Variants in EPHA6 observed in about 807,000 individuals in gnomAD.
EPHA6 encodes EPH receptor A6.
EPHA6 carries 50 observed loss-of-function variants against 112.0 expected under a neutral mutation model. The observed-to-expected ratio is 0.45, with a 90% CI of 0.36 to 0.56. EPHA6 has a LOEUF of 0.56. Among genes scored for constraint, EPHA6 ranks in the 20% least tolerant of loss-of-function variants. The pLI, the probability that EPHA6 is intolerant of heterozygous loss-of-function variation, is 0.00. For missense variants in EPHA6, 1,280 were observed against 1,417.4 expected (o/e 0.90, Z 1.56); for synonymous variants, 529 against 490.7 (o/e 1.08, Z -1.03).
intron 10 of EPHA6, among the ~76,000 whole-genome samples, chr3:97,527,417 A>AT (rs200369637): frequency 2.2e-4 from 33 of 148,966 alleles, no homozygotes; most frequent in East Asian, 9.8e-4. Flanking sequence ...GTGCAGAATT[A>AT]TTTTTTTTTT....
rs1576420905 is a variant in EPHA6 at position 97,064,637 on chromosome 3, T to C, written c.1114+76644T>C. 2.0e-5 allele frequency among the ~76,000 whole-genome samples: 3 copies of C among 152,192 alleles called. No individual in the cohort carries two copies. In the East Asian group the frequency reaches 5.8e-4, roughly 29 times the overall value. On this transcript the variant is annotated intron_variant, in intron 3 of 17. Coordinates refer to ENST00000389672, the MANE Select transcript of EPHA6 (RefSeq NM_001080448.3). The stretch of plus-strand genomic sequence containing the variant: ...TCATTTAGGTTTTGCTGAGATGATC[T>C]TGATAACCCAGAAAAACCTGTCTTT...
At chr3:97,338,755 C>T (rs145808340) in intron 5 of EPHA6, among the ~76,000 whole-genome samples, 42 of 152,212 alleles carry the variant, frequency 2.8e-4, no homozygotes, top group African/African-American at 1.0e-3. Context: ...TACTCAGCCC[C>T]CGAAGTCTAC....
At chr3:97,444,162 A>G (rs990983629) in intron 6 of EPHA6, among the ~76,000 whole-genome samples, 7 of 152,192 alleles carry the variant, frequency 4.6e-5, no homozygotes, top group Admixed American at 4.6e-4. Flanking sequence ...GATTGTTGTT[A>G]TATCTTTACA....
chr3:97,181,525 CT>C (rs1290013903), intron 3 of EPHA6, among the ~76,000 whole-genome samples: 1 of 151,682 alleles, frequency 6.6e-6, no homozygotes, highest in Non-Finnish European at 1.5e-5. Context: ...CACAATAATT[CT>C]TGTTTTGCTT....
In EPHA6 at chr3:96,935,381, G is replaced by T. The variant is rs372414114; in HGVS notation, c.451-51949G>T. 1.1e-4 allele frequency among the ~76,000 whole-genome samples: 16 copies of T among 151,248 alleles called. No homozygotes were observed. The East Asian group carries it at 1.2e-3, about 11-fold the overall frequency. ...ATTCAAGGTTAAAAATATAACTTGTGATATTTAATTTTGGTTAAACATTTA... is the reference window on the plus strand; with the variant it reads ...ATTCAAGGTTAAAAATATAACTTGTTATATTTAATTTTGGTTAAACATTTA... On this transcript the variant is annotated intron_variant, in intron 2 of 17. Coordinates refer to ENST00000389672, the MANE Select transcript of EPHA6 (RefSeq NM_001080448.3).
At chr3:97,243,765 C>A (rs934935105) in intron 4 of EPHA6, among the ~76,000 whole-genome samples, 187 bp from the exon 5 acceptor site, 2 of 151,790 alleles carry the variant, frequency 1.3e-5, no homozygotes, top group African/African-American at 4.8e-5. Flanking sequence ...GATCTTCATT[C>A]CTCAAGACTC....
At chr3:96,947,300 T>C (rs2041317338) in intron 2 of EPHA6, among the ~76,000 whole-genome samples, 1 of 152,214 alleles carries the variant, frequency 6.6e-6, no homozygotes, top group Non-Finnish European at 1.5e-5. Flanking sequence ...CTTCTAGGGT[T>C]TTTATGGTTT....
intron 3 of EPHA6, among the ~76,000 whole-genome samples, chr3:97,054,338 T>G (rs768390841): frequency 6.6e-6 from 1 of 152,116 alleles, no homozygotes; most frequent in Non-Finnish European, 1.5e-5. Flanking sequence ...AACACCAGAC[T>G]GCAATTCACA....
intron 11 of EPHA6, among the ~76,000 whole-genome samples, chr3:97,576,286 AT>A (rs68086930): frequency 6.6e-6 from 1 of 151,554 alleles, no homozygotes; most frequent in Non-Finnish European, 1.5e-5. Flanking sequence ...TTGTTTATTC[AT>A]TTTTTTTCCT....
intron 5 of EPHA6, among the ~76,000 whole-genome samples, chr3:97,399,866 A>T (rs559905893): frequency 6.6e-6 from 1 of 151,520 alleles, no homozygotes; most frequent in Admixed American, 6.6e-5. Context: ...TAGTTTGCAA[A>T]TATCTTCTCT....
chr3:97,360,126 A>G (rs528525243), intron 5 of EPHA6, among the ~76,000 whole-genome samples: 147 of 152,250 alleles, frequency 9.7e-4, no homozygotes, highest in Non-Finnish European at 1.8e-3. Context: ...TTTTTTGGCT[A>G]CCCTGGCTCC....
chr3:97,153,354 C>T (rs575142736), intron 3 of EPHA6, among the ~76,000 whole-genome samples: 108 of 152,146 alleles, frequency 7.1e-4, no homozygotes, highest in African/African-American at 2.6e-3. Context: ...AAAAAAAATC[C>T]ATTCCTTCCA....
intron 3 of EPHA6, among the ~76,000 whole-genome samples, chr3:97,192,066 A>C (rs1433464393): frequency 2.0e-5 from 3 of 152,034 alleles, no homozygotes; most frequent in African/African-American, 7.2e-5. Flanking sequence ...TTTGATTTGC[A>C]TTTCTGTGAT....
In EPHA6 at chr3:97,230,465, T is replaced by A. The variant is rs181934659; in HGVS notation, c.1270+4046T>A. On this transcript the variant is annotated intron_variant, in intron 4 of 17. Coordinates refer to ENST00000389672, the MANE Select transcript of EPHA6 (RefSeq NM_001080448.3). The stretch of plus-strand genomic sequence containing the variant: ...AATGCTTAATATTATAAATTATATT[T>A]CAGAAATGCTAGCCTAGCTTGTTTA... Among the ~76,000 whole-genome samples the A allele has an allele frequency of 3.2e-3, 481 of 152,264 alleles. 3 individuals carry two copies. Among genetic ancestry groups the A allele is most frequent in the African/African-American group, 0.011 (438 of 41,566 alleles).
chr3:97,077,540 GC>G (rs1335448028), intron 3 of EPHA6, among the ~76,000 whole-genome samples: 1 of 101,412 alleles, frequency 9.9e-6, no homozygotes, highest in African/African-American at 3.7e-5. Context: ...CCCTGCCCCC[GC>G]CCCATCCCCC....
chr3:97,182,480 G>A (rs1280402065), intron 3 of EPHA6, among the ~76,000 whole-genome samples: 1 of 151,744 alleles, frequency 6.6e-6, no homozygotes, highest in Non-Finnish European at 1.5e-5. Flanking sequence ...TTACAGATTG[G>A]TTCCTTGCAA....
intron 11 of EPHA6, among the ~76,000 whole-genome samples, chr3:97,585,527 T>G (rs2093479623): frequency 6.6e-6 from 1 of 152,210 alleles, no homozygotes; most frequent in Non-Finnish European, 1.5e-5. Context: ...ACTGCACTTT[T>G]TGCTTCAATA....
chr3:97,119,517 T>C (rs2047984797), intron 3 of EPHA6, among the ~76,000 whole-genome samples: 1 of 151,588 alleles, frequency 6.6e-6, no homozygotes, highest in Non-Finnish European at 1.5e-5. Context: ...GTCTCAAAAA[T>C]CAAAGCCGCA....
At chr3:97,645,803 G>T (rs2094056028) in intron 14 of EPHA6, among the ~76,000 whole-genome samples, 1 of 151,870 alleles carries the variant, frequency 6.6e-6, no homozygotes, top group Non-Finnish European at 1.5e-5. Context: ...AACTTTCTTT[G>T]AACGTATATT....
Sources: gnomAD v4.1 joint callset for allele counts (sites outside exome capture counted in the v4.1 genomes callset) on GRCh38, gnomAD v4.1.1 for gene constraint, MANE v1.5 for transcripts, NCBI Gene and HGNC (gene_info 2026-07-23, HGNC 2026-07-21) for gene names.